TMEM132E: variants seen among roughly 807,000 people sequenced by gnomAD.
TMEM132E encodes transmembrane protein 132E.
In TMEM132E, 49 loss-of-function variants were observed where a neutral mutation model predicts 78.5. The observed-to-expected ratio is 0.62, with a 90% CI of 0.50 to 0.79. TMEM132E has a LOEUF of 0.79. TMEM132E is among the 30% of genes least tolerant of loss of function. TMEM132E has a pLI of 0.00. For missense variants in TMEM132E, 1,403 were observed against 1,470.9 expected, an observed-to-expected ratio of 0.95 and a Z score of 0.75; for synonymous variants, 715 against 670.6, an observed-to-expected ratio of 1.07 and a Z score of -1.02.
intron 1 of TMEM132E, among the ~76,000 whole-genome samples, chr17:34,611,143 A>G (rs1906578012): frequency 1.3e-5 from 2 of 152,256 alleles, no homozygotes. Context: ...GTGAGGAACA[A>G]CACAGCAGAC....
chr17:34,587,370 G>C (rs1435787589), intron 1 of TMEM132E, among the ~76,000 whole-genome samples: 2 of 152,150 alleles, frequency 1.3e-5, no homozygotes, highest in Non-Finnish European at 2.9e-5. Flanking sequence ...TGTGGCAGTG[G>C]GGGGGAATGG....
chr17:34,622,744 G>A (rs969959229), intron 1 of TMEM132E, among the ~76,000 whole-genome samples: 1 of 152,192 alleles, frequency 6.6e-6, no homozygotes, highest in Non-Finnish European at 1.5e-5. Context: ...CCTGCTATGT[G>A]CCAGGCCATG....
At chr17:34,633,675 T>C (rs1435408155) in intron 6 of TMEM132E, among the ~76,000 whole-genome samples, 2 of 152,142 alleles carry the variant, frequency 1.3e-5, no homozygotes, top group African/African-American at 2.4e-5. Context: ...CAAGTGAGAA[T>C]TGGGCTGAGT....
At chr17:34,613,138 A>G (rs1597684450) in intron 1 of TMEM132E, among the ~76,000 whole-genome samples, 1 of 143,634 alleles carries the variant, frequency 7.0e-6, no homozygotes, top group South Asian at 2.4e-4. Context: ...CTGCAGGCCT[A>G]TGGTGGCACT....
intron 1 of TMEM132E, among the ~76,000 whole-genome samples, chr17:34,598,619 A>T (rs1906132512): frequency 6.6e-6 from 1 of 152,206 alleles, no homozygotes; most frequent in Non-Finnish European, 1.5e-5. Context: ...CCCCTTTGTC[A>T]TCCTCCCTGC....
At position 34,637,182 on chromosome 17, in the gene TMEM132E, CCTA is replaced by C. The variant is rs777880224; in HGVS notation, c.2178_2180del (p.Leu727del). 2 of 1,597,278 alleles carry C rather than the reference CCTA, an allele frequency of 1.3e-6. No homozygotes were observed. The highest frequency in any genetic ancestry group is 1.1e-5 in the South Asian group (1 of 90,352). On this transcript the variant is annotated inframe_deletion, in exon 9 of 9. Transcript: ENST00000631683. The stretch of plus-strand genomic sequence containing the variant: ...TCCTTCTCCTTCTCCTCCAGGAAGC[CCTA>C]CTGAGCCTCTGGCTCTCCTACAGTG...
chr17:34,585,081 T>A (rs1407011118), intron 1 of TMEM132E, among the ~76,000 whole-genome samples: 1 of 152,230 alleles, frequency 6.6e-6, no homozygotes, highest in Non-Finnish European at 1.5e-5. Context: ...GGGATGATGC[T>A]TGCTTCGCCT....
intron 1 of TMEM132E, among the ~76,000 whole-genome samples, chr17:34,596,002 C>T (rs763288378): frequency 1.8e-4 from 27 of 151,562 alleles, no homozygotes; most frequent in Non-Finnish European, 1.2e-4. Context: ...CCTCCATTCC[C>T]CTCCCTCGGA....
chr17:34,634,734 G>A, intron 6 of TMEM132E, 65 bp from the exon 7 acceptor site: 3 of 1,519,564 alleles, frequency 2.0e-6, no homozygotes, highest in Non-Finnish European at 2.7e-6. Flanking sequence ...CAAGGGTGCG[G>A]GGTGTGTACT....
intron 1 of TMEM132E, among the ~76,000 whole-genome samples, chr17:34,600,275 C>G (rs558015960): frequency 6.6e-6 from 1 of 152,138 alleles, no homozygotes; most frequent in Non-Finnish European, 1.5e-5. Context: ...AACCTGGAAA[C>G]GTAACTACTG....
At position 34,579,708 on chromosome 17, in the gene TMEM132E, C is replaced by G. The variant is rs935593867; in HGVS notation, c.-1369C>G. 2 of 154,486 alleles carry G rather than the reference C, an allele frequency of 1.3e-5. No individual in the cohort carries two copies. The highest frequency in any genetic ancestry group is 4.8e-5 in the African/African-American group (2 of 41,480). The allele number at this position is 154,486 out of a possible 1,614,324, so 9.6% of individuals were successfully genotyped here. ...TTGCTCCTCGATTCTTCTTCTTCCC[C>G]CACACACGTCCATGGGGAGCCGGCT... On this transcript the variant is annotated 5_prime_UTR_variant, in exon 1 of 9. Coordinates refer to ENST00000631683, the MANE Select transcript of TMEM132E (RefSeq NM_001304438.2).
At chr17:34,615,094 C>T (rs762629834) in intron 1 of TMEM132E, among the ~76,000 whole-genome samples, 1 of 149,932 alleles carries the variant, frequency 6.7e-6, no homozygotes, top group Non-Finnish European at 1.5e-5. Flanking sequence ...TTCAGTAAGT[C>T]TCTCATACCA....
chr17:34,590,851 G>C (rs1428166473), intron 1 of TMEM132E, among the ~76,000 whole-genome samples: 1 of 152,128 alleles, frequency 6.6e-6, no homozygotes, highest in African/African-American at 2.4e-5. Context: ...TACTTGATCA[G>C]GGAACAATTG....
chr17:34,587,684 T>C (rs1905725143), intron 1 of TMEM132E, among the ~76,000 whole-genome samples: 2 of 152,128 alleles, frequency 1.3e-5, no homozygotes, highest in Non-Finnish European at 2.9e-5. Context: ...GGCCTTGTCA[T>C]GGTGGAAGAA....
intron 1 of TMEM132E, among the ~76,000 whole-genome samples, chr17:34,609,670 G>T (rs188974521): frequency 2.5e-4 from 38 of 152,228 alleles, no homozygotes; most frequent in Non-Finnish European, 1.9e-4. Flanking sequence ...AACCCTAAAG[G>T]CTCCCTATTG....
chr17:34,589,181 G>T (rs1905775956), intron 1 of TMEM132E, among the ~76,000 whole-genome samples: 1 of 152,240 alleles, frequency 6.6e-6, no homozygotes, highest in Non-Finnish European at 1.5e-5. Flanking sequence ...AAGGAGGTAA[G>T]AGAGAAACTA....
rs577729154 is a variant in TMEM132E at position 34,627,112 on chromosome 17, C to A, written c.998+55C>A. ...TTCCCTTCCAAGATCAAATGCATAC[C>A]TGACTCCTTGTGGGTGGGTTGGGGG... On this transcript the variant is annotated intron_variant, in intron 2 of 8. Coordinates refer to ENST00000631683, the MANE Select transcript of TMEM132E (RefSeq NM_001304438.2). 8.7e-5 allele frequency: 115 copies of A among 1,326,056 alleles called. No individual in the cohort carries two copies. In the South Asian group the frequency reaches 1.3e-3, roughly 15 times the overall value. The allele number at this position is 1,326,056 out of a possible 1,614,324, so 82.1% of individuals were successfully genotyped here. A position where few individuals can be genotyped will look rare whatever the true frequency, so the allele number is the denominator to read the frequency against.
At chr17:34,617,572 G>A (rs192736917) in intron 1 of TMEM132E, among the ~76,000 whole-genome samples, 339 of 152,312 alleles carry the variant, frequency 2.2e-3, no homozygotes, top group African/African-American at 7.8e-3. Flanking sequence ...ATTACACCAA[G>A]CGAGCAATTT....
intron 1 of TMEM132E, among the ~76,000 whole-genome samples, chr17:34,588,048 C>T (rs547237715): frequency 1.0e-3 from 156 of 152,268 alleles, no homozygotes; most frequent in African/African-American, 3.8e-3. Flanking sequence ...CTGTCAGGGC[C>T]CACTGACCCT....
Sources: allele counts gnomAD v4.1 joint callset (sites outside exome capture counted in the v4.1 genomes callset), GRCh38; gene constraint gnomAD v4.1.1; transcripts MANE v1.5; gene names NCBI Gene and HGNC (gene_info 2026-07-23, HGNC 2026-07-21).